The following GRIP1 variants were observed in gnomAD, a reference collection of about 807,000 sequenced individuals.
The protein encoded by GRIP1 is glutamate receptor-interacting protein 1.
Under a neutral mutation model 129.9 loss-of-function variants are expected in GRIP1, and 45 were observed. That is an observed-to-expected ratio of 0.35 (90% CI 0.27 to 0.44). The LOEUF (loss-of-function observed/expected upper bound fraction) is 0.44. Ranked by LOEUF, GRIP1 falls within the 20% of genes least tolerant of loss-of-function variation. The probability of loss-of-function intolerance (pLI) is 1.00; values close to 1 mark genes in which losing one functional copy is unlikely to be tolerated. For synonymous variants in GRIP1, 530 were observed against 520.8 expected (o/e 1.02, Z -0.24); for missense variants, 1,196 against 1,396.8 (o/e 0.86, Z 2.29).
intron 19 of GRIP1, among the ~76,000 whole-genome samples, chr12:66,380,844 G>A (rs932247837): frequency 2.0e-5 from 3 of 152,018 alleles, no homozygotes; most frequent in Non-Finnish European, 2.9e-5. Flanking sequence ...GTGTGTGCAT[G>A]TGTATTTACA....
intron 2 of GRIP1, among the ~76,000 whole-genome samples, chr12:66,578,234 T>TTTTTTTG (rs1592585092): frequency 7.1e-6 from 1 of 140,560 alleles, no homozygotes; most frequent in East Asian, 2.2e-4. Flanking sequence ...AAACCGCGGT[T>TTTTTTTG]TTTTTTTTTT....
At chr12:66,670,387 T>C (rs971294857) in intron 1 of GRIP1, among the ~76,000 whole-genome samples, 24 of 152,194 alleles carry the variant, frequency 1.6e-4, no homozygotes, top group Non-Finnish European at 3.2e-4. Flanking sequence ...TCTATGCTGA[T>C]GTGGACTGCC....
chr12:66,457,151 T>C (rs2058992070), intron 9 of GRIP1, among the ~76,000 whole-genome samples: 1 of 152,202 alleles, frequency 6.6e-6, no homozygotes, highest in South Asian at 2.1e-4. Context: ...CTAGCTTCAA[T>C]ATTAAGATTT....
chr12:66,741,429 TA>T (rs2036783776), intron 1 of GRIP1, among the ~76,000 whole-genome samples: 1 of 152,154 alleles, frequency 6.6e-6, no homozygotes, highest in Admixed American at 6.6e-5. Flanking sequence ...AATGTGGGGA[TA>T]AAGTAAGATC....
intron 1 of GRIP1, among the ~76,000 whole-genome samples, chr12:66,740,131 G>C (rs2036741488): frequency 6.6e-6 from 1 of 152,112 alleles, no homozygotes. Flanking sequence ...CTGGTGACTG[G>C]GTGTGGTCTG....
At chr12:66,673,812 C>G (rs2034197433) in intron 1 of GRIP1, among the ~76,000 whole-genome samples, 1 of 152,158 alleles carries the variant, frequency 6.6e-6, no homozygotes, top group Admixed American at 6.6e-5. Context: ...AGTGGGGTCT[C>G]TCTATTTGCA....
intron 23 of GRIP1, among the ~76,000 whole-genome samples, chr12:66,367,494 AC>A (rs1464905614): frequency 5.9e-5 from 9 of 152,156 alleles, no homozygotes; most frequent in African/African-American, 2.2e-4. Context: ...GGGCTTAGGA[AC>A]CCTTATTTTA....
chr12:66,461,737 C>G (rs919887731), intron 9 of GRIP1, among the ~76,000 whole-genome samples: 7 of 152,144 alleles, frequency 4.6e-5, no homozygotes, highest in Admixed American at 4.6e-4. Context: ...CCTCTTTCCC[C>G]CCGCCCCAGA....
chr12:66,989,349 T>C (rs2042360827), intron 1 of GRIP1, among the ~76,000 whole-genome samples: 1 of 152,230 alleles, frequency 6.6e-6, no homozygotes, highest in African/African-American at 2.4e-5. Context: ...TGAATGAATG[T>C]GGTGAGGTTT....
At chr12:66,417,855 ATAC>A (rs970041672) in intron 15 of GRIP1, among the ~76,000 whole-genome samples, 1 of 152,188 alleles carries the variant, frequency 6.6e-6, no homozygotes, top group Non-Finnish European at 1.5e-5. Flanking sequence ...TAAAATATCC[ATAC>A]TACCCAGAGC....
At chr12:67,056,652 T>A (rs534277509) in intron 1 of GRIP1, among the ~76,000 whole-genome samples, 9 of 152,150 alleles carry the variant, frequency 5.9e-5, no homozygotes, top group African/African-American at 1.9e-4. Flanking sequence ...GGGAAAACTC[T>A]CCCCCAAAAT....
intron 7 of GRIP1, among the ~76,000 whole-genome samples, 164 bp from the exon 8 acceptor site, chr12:66,465,586 AG>A (rs1241244838): frequency 1.3e-5 from 2 of 152,236 alleles, no homozygotes; most frequent in African/African-American, 4.8e-5. Context: ...ATAAATTCAT[AG>A]GGCACCTCTT....
At chr12:66,740,454 T>C (rs2036754379) in intron 1 of GRIP1, among the ~76,000 whole-genome samples, 1 of 152,158 alleles carries the variant, frequency 6.6e-6, no homozygotes, top group Non-Finnish European at 1.5e-5. Context: ...TCTCCTAGAA[T>C]CTGAACTGTG....
chr12:66,864,230 A>G, intron 1 of GRIP1, among the ~76,000 whole-genome samples: 1 of 151,600 alleles, frequency 6.6e-6, no homozygotes, highest in African/African-American at 2.4e-5. Flanking sequence ...TGTCCTCAAT[A>G]TACACCATGA....
intron 1 of GRIP1, among the ~76,000 whole-genome samples, chr12:66,913,830 T>C (rs2041072947): frequency 6.6e-6 from 1 of 152,208 alleles, no homozygotes; most frequent in South Asian, 2.1e-4. Flanking sequence ...TAAAATATTA[T>C]ACTGTTCATA....
At chr12:66,642,144 A>C (rs1337253458) in intron 1 of GRIP1, among the ~76,000 whole-genome samples, 2 of 152,176 alleles carry the variant, frequency 1.3e-5, no homozygotes, top group Non-Finnish European at 2.9e-5. Flanking sequence ...GGGATGTTAC[A>C]GGTGCCAAGA....
intron 1 of GRIP1, among the ~76,000 whole-genome samples, chr12:66,943,993 G>A (rs977615034): frequency 1.3e-5 from 2 of 152,060 alleles, no homozygotes; most frequent in Non-Finnish European, 2.9e-5. Context: ...ATCTTTCACC[G>A]ATGTCCTGAA....
intron 1 of GRIP1, among the ~76,000 whole-genome samples, chr12:66,798,009 G>A (rs1293934894): frequency 6.6e-6 from 1 of 152,164 alleles, no homozygotes; most frequent in Non-Finnish European, 1.5e-5. Context: ...TGACAGAACT[G>A]AAGGAGAAAC....
chr12:66,984,874 G>A (rs2042288657), intron 1 of GRIP1, among the ~76,000 whole-genome samples: 1 of 152,106 alleles, frequency 6.6e-6, no homozygotes. Flanking sequence ...TCCTAAACTT[G>A]GTTTTAAACT....
Sources: allele counts gnomAD v4.1 joint callset (sites outside exome capture counted in the v4.1 genomes callset), GRCh38; gene constraint gnomAD v4.1.1; transcripts MANE v1.5; gene names NCBI Gene and HGNC (gene_info 2026-07-23, HGNC 2026-07-21).